Variants in ARHGEF10 observed in about 807,000 individuals in gnomAD.
ARHGEF10 encodes the protein Rho guanine nucleotide exchange factor (GEF) 10.
In ARHGEF10, 140 loss-of-function variants were observed where a neutral mutation model predicts 147.4. That is an observed-to-expected ratio of 0.95 (90% CI 0.83 to 1.09). ARHGEF10 has a LOEUF of 1.09. ARHGEF10 is among the 50% of genes least tolerant of loss of function. The probability of loss-of-function intolerance (pLI) is 0.00; values close to 1 mark genes in which losing one functional copy is unlikely to be tolerated. For missense variants in ARHGEF10, 2,222 were observed against 1,752.7 expected, an observed-to-expected ratio of 1.27 and a Z score of -4.78; for synonymous variants, 902 against 695.8, an observed-to-expected ratio of 1.30 and a Z score of -4.67.
chr8:1,909,307 C>G lies in ARHGEF10; in HGVS notation c.1980C>G (p.Asp660Glu). The change falls in exon 18 of 29, where the codon GAC (aspartate) becomes GAG (glutamate). Residue 660 changes from aspartate (D) to glutamate (E), a missense_variant. Asp to Glu is a conservative substitution (Grantham distance 45). Coordinates refer to ENST00000349830, the MANE Select transcript of ARHGEF10 (RefSeq NM_014629.4). ...CATVSSRPSH[D>E]SRVMSSQRYL... Reference sequence around the variant, plus strand: ...TTGGTCGTTTCAGCCCCTCTCATGACAGCCGTGTGATGAGCAGCCAGAGGT... The same window carrying G: ...TTGGTCGTTTCAGCCCCTCTCATGAGAGCCGTGTGATGAGCAGCCAGAGGT... The G allele has an allele frequency of 6.2e-7, 1 of 1,614,250 alleles. No individual in the cohort carries two copies.
At chr8:1,856,832 C>T (rs1251706864) in intron 2 of ARHGEF10, among the ~76,000 whole-genome samples, 4 of 152,186 alleles carry the variant, frequency 2.6e-5, no homozygotes, top group African/African-American at 4.8e-5. Context: ...TCCTCAGGAA[C>T]GTGTGCTGGG....
intron 4 of ARHGEF10, among the ~76,000 whole-genome samples, chr8:1,864,001 G>C (rs1408728189): frequency 6.6e-6 from 1 of 152,028 alleles, no homozygotes; most frequent in Admixed American, 6.5e-5. Context: ...TGGAGTGGGA[G>C]AGAACATCCC....
In ARHGEF10 at chr8:1,923,821, C is replaced by T. The variant is rs986092517; in HGVS notation, c.2435C>T (p.Pro812Leu). 7.4e-6 allele frequency: 12 copies of T among 1,614,194 alleles called. No individual in the cohort carries two copies. The East Asian group carries it at 2.2e-4, about 30-fold the overall frequency. The change falls in exon 21 of 29, where the codon CCT (proline) becomes CTT (leucine). Residue 812 changes from proline to leucine, a missense_variant. Transcript: ENST00000349830. ...FFTAVFNTFT[P>L]AIKESWVNSL... ...ACAGCTGTGTTCAATACGTTCACCCCTGCCATCAAGGAGTCCTGGGTCAAC... is the reference window on the plus strand; with the variant it reads ...ACAGCTGTGTTCAATACGTTCACCCTTGCCATCAAGGAGTCCTGGGTCAAC...
At chr8:1,898,873 C>G (rs976172793) in intron 15 of ARHGEF10, among the ~76,000 whole-genome samples, 2 of 152,190 alleles carry the variant, frequency 1.3e-5, no homozygotes, top group African/African-American at 4.8e-5. Flanking sequence ...CAGGTCACAG[C>G]TCCCTTCTCC....
At chr8:1,884,318 C>T (rs1433013769) in intron 10 of ARHGEF10, among the ~76,000 whole-genome samples, 2 of 151,614 alleles carry the variant, frequency 1.3e-5, no homozygotes, top group African/African-American at 4.8e-5. Flanking sequence ...ATGGCGTGAA[C>T]CCGGGAGGCG....
At chr8:1,930,010 G>A (rs1054045923) in intron 25 of ARHGEF10, among the ~76,000 whole-genome samples, 26 of 152,172 alleles carry the variant, frequency 1.7e-4, no homozygotes, top group Admixed American at 5.2e-4. Context: ...TGCCGCGTTG[G>A]TGGCAGCTGT....
chr8:1,841,321 C>T (rs541013353), intron 1 of ARHGEF10, among the ~76,000 whole-genome samples: 44 of 152,328 alleles, frequency 2.9e-4, no homozygotes, highest in Non-Finnish European at 6.0e-4. Context: ...AGCCCAGGAG[C>T]CTGGATTCAG....
chr8:1,860,890 G>C (rs1395942804), intron 4 of ARHGEF10, among the ~76,000 whole-genome samples: 2 of 152,294 alleles, frequency 1.3e-5, no homozygotes, highest in South Asian at 2.1e-4. Flanking sequence ...GAGGGGTGGT[G>C]GGGGTGGGAG....
chr8:1,855,056 C>T (rs1052903852), intron 2 of ARHGEF10, among the ~76,000 whole-genome samples: 33 of 152,230 alleles, frequency 2.2e-4, no homozygotes, highest in Non-Finnish European at 3.7e-4. Flanking sequence ...CTCCTGTTCA[C>T]GGCCTTCCTT....
rs1171687425 is a variant in ARHGEF10, at chr8:1,957,475, C to T, written c.*212C>T. The T allele has an allele frequency of 5.6e-6, 4 of 708,116 alleles. No individual in the cohort carries two copies. Among genetic ancestry groups the T allele is most frequent in the Non-Finnish European group, 9.2e-6 (4 of 436,780 alleles). The allele number at this position is 708,116 out of a possible 1,614,324, so 43.9% of individuals were successfully genotyped here. On this transcript the variant is annotated 3_prime_UTR_variant, in exon 29 of 29. Transcript: ENST00000349830. ...CAGAAGTAATTACAAGCACTTCTCA[C>T]GAAGGCAGAAGACTGATGCAATTTT...
intron 7 of ARHGEF10, chr8:1,870,409 G>C (rs7013410): frequency 6.6e-6 from 1 of 152,056 alleles, no homozygotes; most frequent in East Asian, 1.9e-4. Flanking sequence ...TATGAGAAAA[G>C]ACTGCAAAAT....
chr8:1,890,782 A>G (rs1397551965), intron 11 of ARHGEF10, among the ~76,000 whole-genome samples: 1 of 150,812 alleles, frequency 6.6e-6, no homozygotes, highest in South Asian at 2.1e-4. Context: ...GTGTGTGCAC[A>G]TATCAGAGGA....
intron 18 of ARHGEF10, among the ~76,000 whole-genome samples, chr8:1,918,462 G>C (rs1811926448): frequency 4.7e-5 from 1 of 21,266 alleles, no homozygotes. Flanking sequence ...TTTGATGGCT[G>C]TGTGTGTGTG....
chr8:1,864,437 G>A lies in ARHGEF10; in HGVS notation c.545+1G>A, dbSNP rs1253189311. On this transcript the variant is annotated splice_donor_variant, in intron 5 of 28. Coordinates refer to ENST00000349830, the MANE Select transcript of ARHGEF10 (RefSeq NM_014629.4). LOFTEE classifies it high-confidence loss of function. ...TGAGTTCCGAGGAGCCTCCAACCAG[G>A]TATCTGCATCCGTCTTCCCACACCT... 3.1e-6 allele frequency: 5 copies of A among 1,613,622 alleles called. No homozygotes were observed. The highest frequency in any genetic ancestry group is 4.2e-6 in the Non-Finnish European group (5 of 1,179,678).
At chr8:1,845,645 A>G (rs530344025) in intron 2 of ARHGEF10, among the ~76,000 whole-genome samples, 147 of 152,264 alleles carry the variant, frequency 9.7e-4, no homozygotes, top group Middle Eastern at 3.4e-3. Flanking sequence ...TTTCTCATTA[A>G]ATTTATCTCC....
Position 1,923,537 on chromosome 8 carries a change from G to T in ARHGEF10, c.2329G>T (p.Glu777Ter), listed in dbSNP as rs1356478618. The change falls in exon 20 of 29, where the codon GAA (glutamate) becomes TAA (stop). Residue 777 changes from glutamate (E) to a stop codon, truncating the protein, a stop_gained. Coordinates refer to ENST00000349830, the MANE Select transcript of ARHGEF10 (RefSeq NM_014629.4). LOFTEE classifies it high-confidence loss of function. ...LQRLILKKEDEIRAADCCRIQ... is the reference protein window; with the variant it reads ...LQRLILKKED ...AAGGCTTATTTTGAAGAAAGAAGAT[G>T]AAATCAGAGCTGCGGACTGCTGCAG... The T allele has an allele frequency of 6.2e-7, 1 of 1,614,108 alleles. No individual in the cohort carries two copies. Among genetic ancestry groups the T allele is most frequent in the Non-Finnish European group, 8.5e-7 (1 of 1,180,036 alleles).
At chr8:1,908,289 G>A (rs921482543) in intron 17 of ARHGEF10, among the ~76,000 whole-genome samples, 8 of 146,120 alleles carry the variant, frequency 5.5e-5, no homozygotes, top group African/African-American at 2.1e-4. Context: ...GGAGTGCTGT[G>A]GCTCGATCTC....
intron 11 of ARHGEF10, among the ~76,000 whole-genome samples, chr8:1,887,108 C>G (rs2129135593): frequency 6.6e-6 from 1 of 152,332 alleles, no homozygotes; most frequent in Non-Finnish European, 1.5e-5. Flanking sequence ...ATCTGGGGCC[C>G]TCACTGCATG....
chr8:1,920,994 C>T (rs568422676), intron 18 of ARHGEF10, among the ~76,000 whole-genome samples: 2 of 152,290 alleles, frequency 1.3e-5, no homozygotes, highest in Admixed American at 6.5e-5. Flanking sequence ...CCATGTTGAT[C>T]AGGCTGGCCT....
Sources: gnomAD v4.1 joint callset for allele counts (sites outside exome capture counted in the v4.1 genomes callset) on GRCh38, gnomAD v4.1.1 for gene constraint, MANE v1.5 for transcripts, NCBI Gene and HGNC (gene_info 2026-07-23, HGNC 2026-07-21) for gene names.